The following FOXN3 variants were observed in gnomAD, a reference collection of about 807,000 sequenced individuals.
FOXN3 encodes the protein forkhead box protein N3.
FOXN3 carries 7 observed loss-of-function variants against 38.4 expected under a neutral mutation model. The observed-to-expected ratio is 0.18, with a 90% CI of 0.10 to 0.34. The LOEUF is 0.34. Ranked by LOEUF, FOXN3 falls within the 10% of genes least tolerant of loss-of-function variation. The probability of loss-of-function intolerance (pLI) is 1.00; values close to 1 mark genes in which losing one functional copy is unlikely to be tolerated. For missense variants in FOXN3, 456 were observed against 613.4 expected (o/e 0.74, Z 2.71); for synonymous variants, 230 against 242.2 (o/e 0.95, Z 0.47).
At chr14:89,324,724 A>C (rs930136277) in intron 3 of FOXN3, among the ~76,000 whole-genome samples, 2 of 152,166 alleles carry the variant, frequency 1.3e-5, no homozygotes, top group Non-Finnish European at 2.9e-5. Flanking sequence ...GCAGGTTGTG[A>C]GAACAGCTGA....
chr14:89,470,875 G>A (rs527431543), intron 1 of FOXN3, among the ~76,000 whole-genome samples: 1 of 152,266 alleles, frequency 6.6e-6, no homozygotes, highest in Admixed American at 6.5e-5. Context: ...ATGAGGGGGA[G>A]GAACCTTCTC....
intron 2 of FOXN3, among the ~76,000 whole-genome samples, chr14:89,351,956 G>A (rs1045438375): frequency 6.6e-6 from 1 of 152,122 alleles, no homozygotes; most frequent in South Asian, 2.1e-4. Context: ...CAGTTCACCC[G>A]AGTAGTTTCC....
chr14:89,195,086 C>G (rs1027160918), intron 4 of FOXN3, among the ~76,000 whole-genome samples: 1 of 152,194 alleles, frequency 6.6e-6, no homozygotes, highest in African/African-American at 2.4e-5. Flanking sequence ...AGATTGCAAA[C>G]TACCAGAAGG....
chr14:89,170,238 A>G (rs1887352944), intron 5 of FOXN3, among the ~76,000 whole-genome samples: 1 of 152,264 alleles, frequency 6.6e-6, no homozygotes, highest in Non-Finnish European at 1.5e-5. Flanking sequence ...AAGAGGTACA[A>G]GAAGAAACAG....
intron 1 of FOXN3, among the ~76,000 whole-genome samples, chr14:89,590,972 T>C (rs1415285943): frequency 1.3e-5 from 2 of 152,232 alleles, no homozygotes; most frequent in African/African-American, 4.8e-5. Context: ...ATCACCGCTC[T>C]ACACAACTAT....
chr14:89,524,962 TTAGGCAGGAATATCATCACCCC>T (rs1203752717), intron 1 of FOXN3, among the ~76,000 whole-genome samples: 4 of 152,118 alleles, frequency 2.6e-5, no homozygotes, highest in Non-Finnish European at 5.9e-5. Context: ...ACCCTCATAG[TTAGGCAGGAATATCATCACCCC>T]TAGTCAGCCT....
chr14:89,295,759 TGCA>T (rs1447303809), intron 3 of FOXN3, among the ~76,000 whole-genome samples: 4 of 149,032 alleles, frequency 2.7e-5, no homozygotes, highest in African/African-American at 7.5e-5. Context: ...GGCTAATTTT[TGCA>T]TTTTTTTTTT....
intron 1 of FOXN3, among the ~76,000 whole-genome samples, chr14:89,609,650 G>A (rs572361941): frequency 2.0e-5 from 3 of 151,892 alleles, no homozygotes; most frequent in Non-Finnish European, 4.4e-5. Flanking sequence ...TAAGTAACTC[G>A]CCTAAAGTCA....
chr14:89,402,367 C>A (rs1891271990), intron 2 of FOXN3, among the ~76,000 whole-genome samples: 1 of 152,204 alleles, frequency 6.6e-6, no homozygotes, highest in Non-Finnish European at 1.5e-5. Flanking sequence ...AACCTTCCAG[C>A]CACCATCTCT....
At chr14:89,559,181 A>G (rs919612323) in intron 1 of FOXN3, among the ~76,000 whole-genome samples, 2 of 142,828 alleles carry the variant, frequency 1.4e-5, no homozygotes, top group African/African-American at 5.2e-5. Flanking sequence ...CCTGGGCAAT[A>G]TAGTGAGACC....
intron 4 of FOXN3, among the ~76,000 whole-genome samples, chr14:89,255,627 C>T (rs1189302268): frequency 1.3e-5 from 2 of 152,138 alleles, no homozygotes; most frequent in Non-Finnish European, 2.9e-5. Flanking sequence ...ATAAATTGCA[C>T]ATGTCTGTTT....
chr14:89,581,818 G>A (rs530182714), intron 1 of FOXN3, among the ~76,000 whole-genome samples: 1 of 152,260 alleles, frequency 6.6e-6, no homozygotes, highest in South Asian at 2.1e-4. Context: ...CATTCACACT[G>A]AGCCATTTTT....
chr14:89,357,523 G>A (rs1385157974), intron 2 of FOXN3, among the ~76,000 whole-genome samples: 3 of 151,786 alleles, frequency 2.0e-5, no homozygotes, highest in African/African-American at 7.3e-5. Context: ...CAAGAGAATC[G>A]CTTCAACCTG....
chr14:89,183,052 G>C (rs1213919196), intron 4 of FOXN3, among the ~76,000 whole-genome samples: 1 of 152,238 alleles, frequency 6.6e-6, no homozygotes, highest in African/African-American at 2.4e-5. Flanking sequence ...CTCAAGGACA[G>C]ACATATGTAG....
intron 2 of FOXN3, among the ~76,000 whole-genome samples, chr14:89,381,532 CA>C (rs71897384): frequency 0.029 from 2,181 of 75,860 alleles, 52 homozygotes; most frequent in African/African-American, 0.088. Flanking sequence ...CCTCAAAAAG[CA>C]AAAAAAAAAA....
intron 1 of FOXN3, among the ~76,000 whole-genome samples, chr14:89,605,154 A>G (rs1042236327): frequency 5.3e-5 from 8 of 152,280 alleles, no homozygotes; most frequent in African/African-American, 7.2e-5. Flanking sequence ...ATAATATGTA[A>G]TCTGTGAGAT....
At chr14:89,593,234 AAGG>A (rs1220908523) in intron 1 of FOXN3, among the ~76,000 whole-genome samples, 4 of 146,588 alleles carry the variant, frequency 2.7e-5, no homozygotes, top group South Asian at 4.8e-4. Flanking sequence ...AAGAGGGAGA[AAGG>A]AGGGAGGGAG....
At chr14:89,271,045 GCA>G (rs142275431) in intron 4 of FOXN3, among the ~76,000 whole-genome samples, 2 of 150,888 alleles carry the variant, frequency 1.3e-5, no homozygotes, top group Non-Finnish European at 3.0e-5. Context: ...GCACATACCT[GCA>G]CACACACACA....
chr14:89,324,595 G>T (rs1214447141), intron 3 of FOXN3, among the ~76,000 whole-genome samples: 3 of 152,034 alleles, frequency 2.0e-5, no homozygotes, highest in Non-Finnish European at 4.4e-5. Flanking sequence ...AGAGATTAAG[G>T]AGGTTTATGA....
Sources: gnomAD v4.1 joint callset for allele counts (sites outside exome capture counted in the v4.1 genomes callset) on GRCh38, gnomAD v4.1.1 for gene constraint, MANE v1.5 for transcripts, NCBI Gene and HGNC (gene_info 2026-07-23, HGNC 2026-07-21) for gene names.